RYR2: variants seen among roughly 807,000 people sequenced by gnomAD.
RYR2 encodes ryanodine receptor 2, also known as cardiac muscle ryanodine receptor-calcium release channel.
Under a neutral mutation model 601.1 loss-of-function variants are expected in RYR2, and 227 were observed. The ratio of observed to expected loss-of-function variants is 0.38; its 90% CI spans 0.34 to 0.42. RYR2 has a LOEUF of 0.42. Among genes scored for constraint, RYR2 ranks in the 10% least tolerant of loss-of-function variants. The probability of loss-of-function intolerance (pLI) is 1.00; values close to 1 mark genes in which losing one functional copy is unlikely to be tolerated. For missense variants in RYR2, 4,646 were observed against 6,156.5 expected, an observed-to-expected ratio of 0.75 and a Z score of 8.21; for synonymous variants, 2,223 against 2,175.1, an observed-to-expected ratio of 1.02 and a Z score of -0.61.
chr1:237,182,676 G>T (rs1386265027), intron 1 of RYR2, among the ~76,000 whole-genome samples: 1 of 152,086 alleles, frequency 6.6e-6, no homozygotes, highest in Admixed American at 6.5e-5. Flanking sequence ...TAGATTGTTA[G>T]TTACAACGGT....
At chr1:237,522,293 G>A (rs1383811233) in intron 24 of RYR2, among the ~76,000 whole-genome samples, 5 of 152,174 alleles carry the variant, frequency 3.3e-5, no homozygotes, top group African/African-American at 1.2e-4. Flanking sequence ...AATAGCTGAT[G>A]AGCTAAATTT....
At chr1:237,535,324 A>G (rs1030697291) in intron 25 of RYR2, among the ~76,000 whole-genome samples, 13 of 152,096 alleles carry the variant, frequency 8.5e-5, no homozygotes, top group African/African-American at 3.1e-4. Flanking sequence ...CAATTTTGTT[A>G]GCAAACTTAG....
At chr1:237,798,356 T>A (rs1179499553) in intron 97 of RYR2, among the ~76,000 whole-genome samples, 186 bp downstream of exon 97, 1 of 152,204 alleles carries the variant, frequency 6.6e-6, no homozygotes, top group Non-Finnish European at 1.5e-5. Flanking sequence ...ATTATTGGAT[T>A]TTTTTTCTAT....
rs142975943 is a variant in RYR2 at position 237,658,037 on chromosome 1, A to G, written c.8208+15A>G. On this transcript the variant is annotated intron_variant, in intron 54 of 104. Coordinates refer to ENST00000366574, the MANE Select transcript of RYR2 (RefSeq NM_001035.3). Reference sequence around the variant, plus strand: ...CAATGGACAAGGTAAAAAGAGTATTACATTCTAATTCAGTAGTCATTATTA... The same window carrying G: ...CAATGGACAAGGTAAAAAGAGTATTGCATTCTAATTCAGTAGTCATTATTA... The G allele has an allele frequency of 1.0e-4, 142 of 1,403,228 alleles. 1 individual carries two copies. The highest frequency in any genetic ancestry group is 7.1e-5 in the Non-Finnish European group (74 of 1,043,094). 86.9% of individuals were successfully genotyped at this position (1,403,228 alleles called of 1,614,324 possible).
intron 1 of RYR2, among the ~76,000 whole-genome samples, chr1:237,256,775 CAAAGTGAGAACGGTCG>C (rs1688026571): frequency 6.6e-6 from 1 of 152,170 alleles, no homozygotes; most frequent in South Asian, 2.1e-4. Context: ...CTCTAAAATG[CAAAGTGAGAACGGTCG>C]CTTTCTCATC....
At chr1:237,221,538 C>T (rs1365845944) in intron 1 of RYR2, among the ~76,000 whole-genome samples, 1 of 152,058 alleles carries the variant, frequency 6.6e-6, no homozygotes, top group Non-Finnish European at 1.5e-5. Flanking sequence ...TATGAAAACA[C>T]GGGGAAATTT....
chr1:237,526,244 T>C (rs1241931131), intron 24 of RYR2, among the ~76,000 whole-genome samples: 3 of 152,224 alleles, frequency 2.0e-5, no homozygotes, highest in African/African-American at 7.2e-5. Flanking sequence ...TAGTTTACAT[T>C]TTTCTGATGA....
intron 87 of RYR2, among the ~76,000 whole-genome samples, chr1:237,778,415 C>T (rs1694834222): frequency 6.7e-6 from 1 of 148,524 alleles, no homozygotes; most frequent in Non-Finnish European, 1.5e-5. Context: ...AAAAATGATT[C>T]ACAGAATATA....
chr1:237,742,161 T>C (rs1312968816), intron 79 of RYR2, 135 bp from the exon 80 acceptor site: 2 of 641,560 alleles, frequency 3.1e-6, no homozygotes, highest in Non-Finnish European at 5.4e-6. Flanking sequence ...CTAAGCATTC[T>C]ATCTTACATG....
intron 1 of RYR2, among the ~76,000 whole-genome samples, chr1:237,126,339 G>C (rs764074681): frequency 6.6e-6 from 1 of 152,142 alleles, no homozygotes; most frequent in African/African-American, 2.4e-5. Context: ...AGAGTAATTG[G>C]TGACAGTCTT....
intron 46 of RYR2, among the ~76,000 whole-genome samples, chr1:237,639,822 C>T (rs1251506024): frequency 6.6e-6 from 1 of 152,126 alleles, no homozygotes; most frequent in Non-Finnish European, 1.5e-5. Flanking sequence ...TGCATCCACA[C>T]TGCTAGTGCC....
At chr1:237,780,199 C>T (rs1056822258) in intron 88 of RYR2, among the ~76,000 whole-genome samples, 2 of 152,114 alleles carry the variant, frequency 1.3e-5, no homozygotes, top group South Asian at 4.1e-4. Flanking sequence ...CTCAGAGGTA[C>T]CTGACTAGAG....
At chr1:237,097,584 C>A (rs1667624370) in intron 1 of RYR2, among the ~76,000 whole-genome samples, 1 of 152,184 alleles carries the variant, frequency 6.6e-6, no homozygotes, top group Admixed American at 6.5e-5. Context: ...ACACCATCTT[C>A]CAGTATAGGA....
chr1:237,375,898 A>C (rs937521102), intron 7 of RYR2, among the ~76,000 whole-genome samples: 1 of 152,236 alleles, frequency 6.6e-6, no homozygotes, highest in African/African-American at 2.4e-5. Context: ...TAGTCAAAAC[A>C]AAACAAGTCA....
At chr1:237,330,780 A>T in intron 2 of RYR2, 98 bp from the exon 3 acceptor site, 1 of 851,088 alleles carries the variant, frequency 1.2e-6, no homozygotes, top group Non-Finnish European at 2.0e-6. Context: ...GTTGACAAAT[A>T]CTGTTTCTAT....
intron 29 of RYR2, among the ~76,000 whole-genome samples, chr1:237,575,935 C>A (rs191670233): frequency 1.2e-4 from 18 of 152,182 alleles, no homozygotes; most frequent in African/African-American, 3.9e-4. Context: ...GAGTGTTTCA[C>A]AAGGTAGAAT....
intron 60 of RYR2, among the ~76,000 whole-genome samples, chr1:237,677,722 T>C (rs1368315967): frequency 6.6e-6 from 1 of 152,176 alleles, no homozygotes; most frequent in Non-Finnish European, 1.5e-5. Flanking sequence ...TCTTAAAGGC[T>C]ACTGAAAATG....
At chr1:237,151,798 GTGGGGTGTGGCA>G (rs1290154788) in intron 1 of RYR2, among the ~76,000 whole-genome samples, 1 of 152,154 alleles carries the variant, frequency 6.6e-6, no homozygotes, top group Non-Finnish European at 1.5e-5. Context: ...TTTTTAAGCA[GTGGGGTGTGGCA>G]TGGACATTGA....
chr1:237,294,006 T>C (rs955383866), intron 2 of RYR2, among the ~76,000 whole-genome samples: 1 of 152,136 alleles, frequency 6.6e-6, no homozygotes, highest in African/African-American at 2.4e-5. Context: ...CCAGCCAACA[T>C]CCTGAGGCTA....
Sources: allele counts gnomAD v4.1 joint callset (sites outside exome capture counted in the v4.1 genomes callset), GRCh38; gene constraint gnomAD v4.1.1; transcripts MANE v1.5; gene names NCBI Gene and HGNC (gene_info 2026-07-23, HGNC 2026-07-21).